The following IRAK2 variants were observed in gnomAD, a reference collection of about 807,000 sequenced individuals.
The protein encoded by IRAK2 is interleukin-1 receptor-associated kinase-like 2.
Under a neutral mutation model 72.0 loss-of-function variants are expected in IRAK2, and 57 were observed. That is an observed-to-expected ratio of 0.79 (90% confidence interval 0.64 to 0.99). The LOEUF is 0.99. Among genes scored for constraint, IRAK2 ranks in the 50% least tolerant of loss-of-function variants. The pLI, the probability that IRAK2 is intolerant of heterozygous loss-of-function variation, is 0.00. For missense variants in IRAK2, 790 were observed against 794.4 expected, an observed-to-expected ratio of 0.99 and a Z score of 0.07; for synonymous variants, 293 against 312.7, an observed-to-expected ratio of 0.94 and a Z score of 0.67.
chr3:10,192,980 G>A lies in IRAK2; in HGVS notation c.278-7389G>A, dbSNP rs559084025. On this transcript the variant is annotated intron_variant, in intron 2 of 12. Coordinates refer to ENST00000256458, the MANE Select transcript of IRAK2 (RefSeq NM_001570.4). Reference sequence around the variant, plus strand: ...TTATCCTCATGGCTGGTCTCGGGTCGGGGGTCCACTTCCACATCTCATTTG... The same window carrying A: ...TTATCCTCATGGCTGGTCTCGGGTCAGGGGTCCACTTCCACATCTCATTTG... 2.6e-5 allele frequency among the ~76,000 whole-genome samples: 4 copies of A among 151,910 alleles called. No individual in the cohort carries two copies. In the South Asian group the frequency reaches 6.3e-4, roughly 24 times the overall value.
intron 6 of IRAK2, among the ~76,000 whole-genome samples, chr3:10,216,237 G>A (rs370370556): frequency 1.3e-5 from 2 of 152,188 alleles, no homozygotes; most frequent in South Asian, 2.1e-4. Context: ...AACTGGGTGG[G>A]TGGTGATGTG....
intron 2 of IRAK2, among the ~76,000 whole-genome samples, chr3:10,192,061 T>TGTGTGTGTG: frequency 7.6e-6 from 1 of 131,932 alleles, no homozygotes; most frequent in Non-Finnish European, 1.6e-5. Flanking sequence ...TGTGTGTGTG[T>TGTGTGTGTG]TGTGTGTTGT....
intron 10 of IRAK2, among the ~76,000 whole-genome samples, chr3:10,233,286 G>A (rs574354791): frequency 1.2e-3 from 184 of 152,116 alleles, no homozygotes; most frequent in Non-Finnish European, 1.9e-3. Flanking sequence ...TCCTGACCTC[G>A]AGTGATCTGC....
intron 1 of IRAK2, among the ~76,000 whole-genome samples, chr3:10,174,131 C>T (rs1214806597): frequency 6.6e-6 from 1 of 152,178 alleles, no homozygotes; most frequent in African/African-American, 2.4e-5. Context: ...GATGGTCCTT[C>T]CTTTTCCATC....
chr3:10,219,508 T>C (rs1434736926), intron 7 of IRAK2, among the ~76,000 whole-genome samples, 172 bp from the exon 8 acceptor site: 1 of 151,972 alleles, frequency 6.6e-6, no homozygotes, highest in African/African-American at 2.4e-5. Flanking sequence ...TTAGTAGAGA[T>C]GGGGTTTCAC....
At chr3:10,178,416 C>A (rs2125142835) in intron 2 of IRAK2, among the ~76,000 whole-genome samples, 1 of 151,564 alleles carries the variant, frequency 6.6e-6, no homozygotes, top group African/African-American at 2.4e-5. Flanking sequence ...AGGATTGCAC[C>A]ACTGCACTCC....
At chr3:10,172,959 G>A (rs937939992) in intron 1 of IRAK2, among the ~76,000 whole-genome samples, 2 of 151,510 alleles carry the variant, frequency 1.3e-5, no homozygotes, top group Non-Finnish European at 2.9e-5. Flanking sequence ...GATTACAGGC[G>A]TGAGCCACCG....
chr3:10,229,925 AC>A (rs1375598441), intron 10 of IRAK2, among the ~76,000 whole-genome samples: 2 of 151,946 alleles, frequency 1.3e-5, no homozygotes, highest in Admixed American at 6.6e-5. Context: ...ACATGGTGAA[AC>A]CCCGTCTCTA....
chr3:10,199,741 C>T (rs1342262227), intron 2 of IRAK2, among the ~76,000 whole-genome samples: 2 of 152,078 alleles, frequency 1.3e-5, no homozygotes, highest in Admixed American at 6.6e-5. Flanking sequence ...TTATCACCTC[C>T]GTTTTATAGG....
chr3:10,196,032 C>T (rs548407269), intron 2 of IRAK2, among the ~76,000 whole-genome samples: 48 of 152,310 alleles, frequency 3.2e-4, no homozygotes, highest in Non-Finnish European at 6.0e-4. Flanking sequence ...ACCCTGGGAG[C>T]GACAGCTCTG....
chr3:10,196,154 G>T (rs1697261455), intron 2 of IRAK2, among the ~76,000 whole-genome samples: 2 of 152,204 alleles, frequency 1.3e-5, no homozygotes, highest in South Asian at 2.1e-4. Flanking sequence ...TTGCTCTATT[G>T]CCCAGGCTGG....
At chr3:10,216,082 AGCAGTC>A (rs1697601160) in intron 6 of IRAK2, among the ~76,000 whole-genome samples, 1 of 152,198 alleles carries the variant, frequency 6.6e-6, no homozygotes, top group African/African-American at 2.4e-5. Context: ...GGCCATTTAC[AGCAGTC>A]TTGGGGAGGC....
rs760927089 is a variant in IRAK2, at chr3:10,242,137, T to G, written c.1787T>G (p.Ile596Ser). The change falls in exon 13 of 13, where the codon ATT (isoleucine) becomes AGT (serine). Residue 596 changes from isoleucine to serine, a missense_variant. Transcript: ENST00000256458. ...TCAGTTACAGAAACTTCGTGGCAAA[T>G]TGAGATCAATGAGGCCAAAAGGAAA... ...PQDVTETSWQ[I>S]EINEAKRKLM... 2.2e-5 allele frequency: 35 copies of G among 1,611,408 alleles called. No homozygotes were observed. The highest frequency in any genetic ancestry group is 3.3e-5 in the Admixed American group (2 of 59,802).
At chr3:10,219,407 C>T (rs1239705658) in intron 7 of IRAK2, among the ~76,000 whole-genome samples, 2 of 152,010 alleles carry the variant, frequency 1.3e-5, no homozygotes, top group African/African-American at 4.8e-5. Flanking sequence ...CAAGCTCTGC[C>T]TCCTGGGTTC....
chr3:10,164,980 C>T lies in IRAK2; in HGVS notation c.26C>T (p.Pro9Leu), dbSNP rs763606474. 1.2e-6 allele frequency: 2 copies of T among 1,611,462 alleles called. No individual in the cohort carries two copies. The highest frequency in any genetic ancestry group is 4.5e-5 in the East Asian group (2 of 44,792). Residue 9 changes from proline to leucine, a missense_variant, in exon 1 of 13, where the codon CCC becomes CTC. Transcript: ENST00000256458. MACYIYQL[P>L]SWVLDDLCRN... is the part of the protein sequence containing the mutation. Reference sequence around the variant, plus strand: ...ATGGCCTGCTACATCTACCAGCTGCCCTCCTGGGTGCTGGACGACCTGTGC... The same window carrying T: ...ATGGCCTGCTACATCTACCAGCTGCTCTCCTGGGTGCTGGACGACCTGTGC...
chr3:10,175,854 G>A (rs1696864679), intron 1 of IRAK2, among the ~76,000 whole-genome samples: 2 of 131,110 alleles, frequency 1.5e-5, no homozygotes, highest in South Asian at 4.9e-4. Context: ...GTGCACCACT[G>A]CACTCCAGCC....
chr3:10,171,040 C>T (rs1394898305), intron 1 of IRAK2, among the ~76,000 whole-genome samples: 1 of 152,224 alleles, frequency 6.6e-6, no homozygotes, highest in Non-Finnish European at 1.5e-5. Context: ...CAGCCACAGA[C>T]AGCCACGCTC....
At chr3:10,166,029 T>C (rs1696683378) in intron 1 of IRAK2, among the ~76,000 whole-genome samples, 1 of 151,744 alleles carries the variant, frequency 6.6e-6, no homozygotes, top group Non-Finnish European at 1.5e-5. Flanking sequence ...GCGCCCGGCC[T>C]CCGGAACTCT....
At chr3:10,218,985 C>T (rs1043372189) in intron 7 of IRAK2, among the ~76,000 whole-genome samples, 2 of 152,122 alleles carry the variant, frequency 1.3e-5, no homozygotes, top group Non-Finnish European at 2.9e-5. Flanking sequence ...ATCGCTTGAG[C>T]CCAGGAGTTC....
Sources: gnomAD v4.1 joint callset for allele counts (sites outside exome capture counted in the v4.1 genomes callset) on GRCh38, gnomAD v4.1.1 for gene constraint, MANE v1.5 for transcripts, NCBI Gene and HGNC (gene_info 2026-07-23, HGNC 2026-07-21) for gene names.